The following FERMT2 variants were observed in gnomAD, a reference collection of about 807,000 sequenced individuals.
FERMT2 encodes the protein FERM domain containing kindlin 2, also known as fermitin family homolog 2.
FERMT2 carries 15 observed loss-of-function variants against 82.7 expected under a neutral mutation model. The observed-to-expected ratio is 0.18, with a 90% CI of 0.12 to 0.28. The LOEUF is 0.28. Among genes scored for constraint, FERMT2 ranks in the 10% least tolerant of loss-of-function variants. The pLI is 1.00. For missense variants in FERMT2, 645 were observed against 809.4 expected, an observed-to-expected ratio of 0.80 and a Z score of 2.46; for synonymous variants, 274 against 271.5, an observed-to-expected ratio of 1.01 and a Z score of -0.09.
intron 2 of FERMT2, among the ~76,000 whole-genome samples, chr14:52,926,519 T>G (rs1013778658): frequency 1.9e-4 from 29 of 152,058 alleles, no homozygotes; most frequent in African/African-American, 6.8e-4. Flanking sequence ...ATCTGCATTA[T>G]AAAACCATTC....
chr14:52,927,592 TAA>T lies in FERMT2; in HGVS notation c.158-8238_158-8237del, dbSNP rs71125150. The stretch of plus-strand genomic sequence containing the variant: ...GCAACATAGCAAAACCTCATCCCTA[TAA>T]AAAAAAAAAAAAAAAAAAAAAAAAA... On this transcript the variant is annotated intron_variant, in intron 2 of 14. Transcript: ENST00000341590. Among the ~76,000 whole-genome samples, 84 of 33,712 alleles carry T rather than the reference TAA, an allele frequency of 2.5e-3. 1 individual carries two copies. Among genetic ancestry groups the T allele is most frequent in the South Asian group, 5.3e-3 (2 of 378 alleles). 22.1% of individuals were successfully genotyped at this position (33,712 alleles called of 152,430 possible). A position where few individuals can be genotyped will look rare whatever the true frequency, so the allele number is the denominator to read the frequency against.
intron 3 of FERMT2, among the ~76,000 whole-genome samples, chr14:52,903,159 C>T (rs1407003443): frequency 5.9e-4 from 89 of 151,806 alleles, no homozygotes; most frequent in Non-Finnish European, 1.5e-5. Context: ...TACAAAATTT[C>T]AAAATGGCAG....
intron 4 of FERMT2, 99 bp downstream of exon 4, chr14:52,893,194 T>C: frequency 1.8e-6 from 2 of 1,142,290 alleles, no homozygotes; most frequent in Non-Finnish European, 2.4e-6. Context: ...ACTTGACCAC[T>C]CTTCCTGACC....
intron 2 of FERMT2, among the ~76,000 whole-genome samples, chr14:52,948,191 T>C (rs1486173094): frequency 2.0e-5 from 3 of 152,250 alleles, no homozygotes; most frequent in Non-Finnish European, 4.4e-5. Flanking sequence ...CTAGCCACTG[T>C]TGGCAAGTAG....
chr14:52,887,215 A>G lies in FERMT2; in HGVS notation c.527-5746T>C, dbSNP rs1001218247. Among the ~76,000 whole-genome samples, 6 of 150,702 alleles carry G rather than the reference A, an allele frequency of 4.0e-5. 1 individual carries two copies. The highest frequency in any genetic ancestry group is 3.3e-4 in the Admixed American group (5 of 15,088). ...CAATGGTGCGATCTTGGCTCACTGC[A>G]ACCTCCCCACCTCCCGGGTTCAAGT... On this transcript the variant is annotated intron_variant, in intron 4 of 14. Coordinates refer to ENST00000341590, the MANE Select transcript of FERMT2 (RefSeq NM_006832.3).
chr14:52,864,391 A>G lies in FERMT2; in HGVS notation c.1602+10T>C. The G allele has an allele frequency of 6.3e-7, 1 of 1,589,414 alleles. No individual in the cohort carries two copies. The highest frequency in any genetic ancestry group is 1.7e-4 in the Middle Eastern group (1 of 6,014). On this transcript the variant is annotated intron_variant, in intron 12 of 14. Transcript: ENST00000341590. ...CCAGCACAGTAGATGAAGTAAAATG[A>G]AGTAAGTACCTGCTTGTTCTTATAC...
chr14:52,899,693 C>T (rs1318070604), intron 3 of FERMT2, among the ~76,000 whole-genome samples: 1 of 152,168 alleles, frequency 6.6e-6, no homozygotes, highest in Non-Finnish European at 1.5e-5. Context: ...TAGCCATTGG[C>T]TGCATATGAA....
Position 52,857,911 on chromosome 14 carries a change from C to CTGAT in FERMT2, c.*462_*465dup, listed in dbSNP as rs1457162232. 1 of 154,548 alleles carries CTGAT rather than the reference C, an allele frequency of 6.5e-6. No homozygotes were observed. The highest frequency in any genetic ancestry group is 1.4e-5 in the Non-Finnish European group (1 of 69,260). The allele number at this position is 154,548 out of a possible 1,614,324, so 9.6% of individuals were successfully genotyped here. On this transcript the variant is annotated 3_prime_UTR_variant, in exon 15 of 15. Transcript: ENST00000341590. Reference sequence around the variant, plus strand: ...ACTAAATATCAGGCCTCCTGCATGCCTGATTTATTTGGGGGTAGGGGGAGG... The same window carrying CTGAT: ...ACTAAATATCAGGCCTCCTGCATGCCTGATTGATTTATTTGGGGGTAGGGGGAGG...
intron 3 of FERMT2, among the ~76,000 whole-genome samples, chr14:52,913,593 G>A (rs1888446653): frequency 6.6e-6 from 1 of 151,914 alleles, no homozygotes; most frequent in African/African-American, 2.4e-5. Flanking sequence ...TAGGAGGGAG[G>A]TGGGCTTTGT....
intron 3 of FERMT2, 108 bp downstream of exon 3, chr14:52,919,015 T>TAC (rs3037042): frequency 0.12 from 85,695 of 696,494 alleles, 5,893 homozygotes; most frequent in African/African-American, 0.22. Flanking sequence ...CATACATATA[T>TAC]ACAGATAGTT....
At chr14:52,886,349 A>AT (rs1482095328) in intron 4 of FERMT2, among the ~76,000 whole-genome samples, 3 of 151,652 alleles carry the variant, frequency 2.0e-5, no homozygotes, top group Admixed American at 6.6e-5. Flanking sequence ...ACATACATGT[A>AT]TTTTTTTAGA....
At chr14:52,946,931 C>T (rs1036934708) in intron 2 of FERMT2, among the ~76,000 whole-genome samples, 1 of 152,090 alleles carries the variant, frequency 6.6e-6, no homozygotes, top group Non-Finnish European at 1.5e-5. Context: ...CCTCAGCCTC[C>T]CTGCCTGCTG....
chr14:52,947,378 C>T (rs1486194124), intron 2 of FERMT2, among the ~76,000 whole-genome samples: 1 of 152,140 alleles, frequency 6.6e-6, no homozygotes, highest in Non-Finnish European at 1.5e-5. Context: ...ACTCGGGAGG[C>T]TGAGGCAGGA....
At chr14:52,886,711 G>A (rs922127969) in intron 4 of FERMT2, among the ~76,000 whole-genome samples, 3 of 152,212 alleles carry the variant, frequency 2.0e-5, no homozygotes, top group African/African-American at 2.4e-5. Context: ...AAGACTAGAT[G>A]TGCAAATTTT....
At chr14:52,892,166 G>GTTTTT (rs10547747) in intron 4 of FERMT2, among the ~76,000 whole-genome samples, 13 of 128,828 alleles carry the variant, frequency 1.0e-4, no homozygotes, top group African/African-American at 1.5e-4. Flanking sequence ...GCTGTTTTTT[G>GTTTTT]TTTTTTTTTT....
chr14:52,906,951 G>C (rs1189581445), intron 3 of FERMT2, among the ~76,000 whole-genome samples: 1 of 147,412 alleles, frequency 6.8e-6, no homozygotes, highest in African/African-American at 2.5e-5. Context: ...ATTATTGGGG[G>C]GGGGGGGGGA....
At chr14:52,859,549 C>A in intron 14 of FERMT2, 24 bp downstream of exon 14, 1 of 1,574,448 alleles carries the variant, frequency 6.4e-7, no homozygotes, top group Non-Finnish European at 8.6e-7. Flanking sequence ...GGACTATATT[C>A]AAGTAACATT....
intron 2 of FERMT2, among the ~76,000 whole-genome samples, chr14:52,930,850 T>C (rs901253907): frequency 1.3e-5 from 2 of 152,212 alleles, no homozygotes; most frequent in Non-Finnish European, 2.9e-5. Flanking sequence ...GTAAAAACGA[T>C]GTTTATAATA....
intron 2 of FERMT2, 55 bp from the exon 3 acceptor site, chr14:52,919,411 G>T: frequency 7.6e-7 from 1 of 1,314,794 alleles, no homozygotes; most frequent in Non-Finnish European, 1.1e-6. Flanking sequence ...GTGATTTTGA[G>T]AAATTAAAAG....
Sources: allele counts gnomAD v4.1 joint callset (sites outside exome capture counted in the v4.1 genomes callset), GRCh38; gene constraint gnomAD v4.1.1; transcripts MANE v1.5; gene names NCBI Gene and HGNC (gene_info 2026-07-23, HGNC 2026-07-21).